Variants in NEK10 observed in about 807,000 individuals in gnomAD.
The protein encoded by NEK10 is serine/threonine-protein kinase Nek10.
A neutral mutation model predicts 159.8 loss-of-function variants in NEK10; 122 were observed. The observed-to-expected ratio is 0.76, with a 90% confidence interval of 0.66 to 0.89. NEK10 has a LOEUF of 0.89. Ranked by LOEUF, NEK10 falls within the 40% of genes least tolerant of loss-of-function variation. The probability of loss-of-function intolerance (pLI) is 0.00; values close to 1 mark genes in which losing one functional copy is unlikely to be tolerated. For synonymous variants in NEK10, 466 were observed against 457.1 expected, an observed-to-expected ratio of 1.02 and a Z score of -0.25; for missense variants, 1,342 against 1,323.1, an observed-to-expected ratio of 1.01 and a Z score of -0.22.
intron 14 of NEK10, 139 bp downstream of exon 14, chr3:27,297,040 T>A (rs2043404735): frequency 1.1e-5 from 6 of 539,872 alleles, no homozygotes; most frequent in Non-Finnish European, 2.0e-5. Context: ...CTTTATTAGT[T>A]AAACGAGAAA....
chr3:27,136,610 T>A (rs1943242502), intron 31 of NEK10, among the ~76,000 whole-genome samples: 2 of 152,108 alleles, frequency 1.3e-5, no homozygotes, highest in Admixed American at 6.5e-5. Context: ...AAAGGTAGAT[T>A]TGGGGTTCCA....
rs375183038 is a variant in NEK10, at chr3:27,308,999, C to T, written c.643G>A (p.Val215Ile). Reference protein sequence around the residue: ...VTTSGAHKTLVNLLGARDTNV... With the variant: ...VTTSGAHKTLINLLGARDTNV... Reference sequence around the variant, plus strand: ...GTATCTCGGGCACCAAGTAAATTTACTAATGTCTGAAAAATGAAGTAAAAT... The same window carrying T: ...GTATCTCGGGCACCAAGTAAATTTATTAATGTCTGAAAAATGAAGTAAAAT... The change falls in exon 10 of 36, where the codon GTA becomes ATA. Residue 215 changes from valine to isoleucine, a missense_variant. By Grantham distance (29) the Val-to-Ile change is conservative. Coordinates refer to ENST00000691995, the MANE Select transcript of NEK10 (RefSeq NM_001394966.1). 3.5e-5 allele frequency: 54 copies of T among 1,564,952 alleles called. No homozygotes were observed. Among genetic ancestry groups the T allele is most frequent in the Non-Finnish European group, 4.0e-5 (46 of 1,138,714 alleles).
At position 27,115,967 on chromosome 3, in the gene NEK10, C is replaced by T. The variant is rs747692971; in HGVS notation, c.3272G>A (p.Ser1091Asn). The T allele has an allele frequency of 2.5e-6, 4 of 1,613,014 alleles. No individual in the cohort carries two copies. The highest frequency in any genetic ancestry group is 1.7e-6 in the Non-Finnish European group (2 of 1,179,288). ...GTTAGATGTAAAATTGTAATAGCCA[C>T]TTTCCTCAAGGACTTCTTCAATCAC... ...QTVIEEVLEESGYYNFTSNRY... is the reference protein window; with the variant it reads ...QTVIEEVLEENGYYNFTSNRY... Residue 1091 changes from serine (S) to asparagine (N), a missense_variant, in exon 35 of 36, where the codon AGT becomes AAT. Ser to Asn is a conservative substitution (Grantham distance 46, BLOSUM62 1). Transcript: ENST00000691995.
chr3:27,368,662 G>A (rs2049284364), intron 1 of NEK10, among the ~76,000 whole-genome samples: 1 of 152,142 alleles, frequency 6.6e-6, no homozygotes, highest in Non-Finnish European at 1.5e-5. Flanking sequence ...GGCGTTCAGG[G>A]TTGCACATGT....
intron 26 of NEK10, among the ~76,000 whole-genome samples, chr3:27,182,056 T>C (rs1948165047): frequency 6.6e-6 from 1 of 152,092 alleles, no homozygotes; most frequent in Non-Finnish European, 1.5e-5. Flanking sequence ...TTTTGAGACT[T>C]ATTAAAAAGC....
chr3:27,171,791 T>C (rs1342923447), intron 29 of NEK10, 28 bp downstream of exon 29: 3 of 1,610,418 alleles, frequency 1.9e-6, no homozygotes, highest in African/African-American at 2.7e-5. Context: ...AATCAAAAAA[T>C]ATTTCTAGGA....
intron 23 of NEK10, among the ~76,000 whole-genome samples, chr3:27,234,127 A>T (rs983574065): frequency 3.9e-5 from 6 of 152,144 alleles, no homozygotes; most frequent in Non-Finnish European, 8.8e-5. Flanking sequence ...ACCTCAAAAT[A>T]GTAAGAGCCA....
At chr3:27,336,456 GA>G (rs775578971) in intron 5 of NEK10, among the ~76,000 whole-genome samples, 2 of 152,076 alleles carry the variant, frequency 1.3e-5, no homozygotes, top group Non-Finnish European at 1.5e-5. Context: ...AACTATTCCA[GA>G]AAATTGAAGA....
At chr3:27,115,807 A>G (rs1298378695) in intron 35 of NEK10, 133 bp downstream of exon 35, 1 of 676,208 alleles carries the variant, frequency 1.5e-6, no homozygotes, top group Non-Finnish European at 2.5e-6. Flanking sequence ...AGTCTAAGCC[A>G]AGATATTTTA....
chr3:27,329,256 G>A (rs2046226996), intron 5 of NEK10, among the ~76,000 whole-genome samples: 2 of 152,200 alleles, frequency 1.3e-5, no homozygotes, highest in South Asian at 2.1e-4. Context: ...ACATGGAAAT[G>A]TAAGTCCATT....
intron 26 of NEK10, among the ~76,000 whole-genome samples, chr3:27,177,711 T>C (rs567754568): frequency 7.6e-4 from 116 of 152,328 alleles, no homozygotes; most frequent in Non-Finnish European, 1.3e-3. Context: ...TCCAACTCTT[T>C]ATAAAATTGT....
In NEK10 at chr3:27,297,180, T is replaced by C; in HGVS notation, c.1229A>G (p.Gln410Arg). The C allele has an allele frequency of 6.2e-7, 1 of 1,610,212 alleles. No homozygotes were observed. Among genetic ancestry groups the C allele is most frequent in the Non-Finnish European group, 8.5e-7 (1 of 1,176,468 alleles). ...LNDTNAHQVV[Q>R]ENGVYTIAKL... is the part of the protein sequence containing the mutation. ...GACCTTGAGAAGGAGTGCTCTCACCTGAACCACCTGGTGGGCATTGGTGTC... is the reference window on the plus strand; with the variant it reads ...GACCTTGAGAAGGAGTGCTCTCACCCGAACCACCTGGTGGGCATTGGTGTC... The change falls in exon 14 of 36, where the codon CAG (glutamine) becomes CGG (arginine). Residue 410 changes from glutamine to arginine, a missense_variant and splice_region_variant. Physicochemically the swap from Gln to Arg is conservative, Grantham distance 43 (BLOSUM62 1). Transcript: ENST00000691995.
chr3:27,192,213 G>A lies in NEK10; in HGVS notation c.2321C>T (p.Pro774Leu). 6.2e-7 allele frequency: 1 copy of A among 1,614,042 alleles called. No homozygotes were observed. Among genetic ancestry groups the A allele is most frequent in the South Asian group, 1.1e-5 (1 of 91,068 alleles). ...RCLTPDAEAR[P>L]DIVEVSSMIS... The stretch of plus-strand genomic sequence containing the variant: ...CATCGAACTGACTTCTACAATATCT[G>A]GACGAGCTTCCGCATCAGGAGTGAG... The change falls in exon 26 of 36, where the codon CCA becomes CTA. Residue 774 changes from proline to leucine, a missense_variant. By Grantham distance (98) the Pro-to-Leu change is moderately conservative. Transcript: ENST00000691995.
At chr3:27,264,768 C>T (rs2040739343) in intron 22 of NEK10, among the ~76,000 whole-genome samples, 1 of 152,016 alleles carries the variant, frequency 6.6e-6, no homozygotes, top group Non-Finnish European at 1.5e-5. Flanking sequence ...GTGGCAGGTG[C>T]CTGTAATCCC....
intron 32 of NEK10, among the ~76,000 whole-genome samples, chr3:27,129,103 G>A (rs920347304): frequency 6.6e-6 from 1 of 151,926 alleles, no homozygotes; most frequent in African/African-American, 2.4e-5. Flanking sequence ...GTTCCCAAGG[G>A]TACCTATACA....
chr3:27,202,680 T>A (rs948533283), intron 23 of NEK10, 123 bp from the exon 24 acceptor site: 6 of 1,245,836 alleles, frequency 4.8e-6, no homozygotes, highest in Non-Finnish European at 5.3e-6. Flanking sequence ...TAATCACTAT[T>A]TCAGGAAAGG....
intron 30 of NEK10, among the ~76,000 whole-genome samples, chr3:27,147,889 T>C (rs1944457607): frequency 6.6e-6 from 1 of 152,228 alleles, no homozygotes; most frequent in African/African-American, 2.4e-5. Flanking sequence ...AAATCTCTGT[T>C]CTTCAAATGC....
At chr3:27,190,712 A>G (rs765068607) in intron 26 of NEK10, among the ~76,000 whole-genome samples, 6 of 152,200 alleles carry the variant, frequency 3.9e-5, no homozygotes, top group Admixed American at 1.3e-4. Context: ...AAGGCCCCAA[A>G]TACCTAAGAT....
At chr3:27,311,188 A>G (rs543541838) in intron 8 of NEK10, 172 bp from the exon 9 acceptor site, 2 of 476,618 alleles carry the variant, frequency 4.2e-6, no homozygotes, top group Non-Finnish European at 7.4e-6. Context: ...CCCAAGAATT[A>G]CTCCTCAAGC....
Sources: allele counts gnomAD v4.1 joint callset (sites outside exome capture counted in the v4.1 genomes callset), GRCh38; gene constraint gnomAD v4.1.1; transcripts MANE v1.5; gene names NCBI Gene and HGNC (gene_info 2026-07-23, HGNC 2026-07-21).